Variants in BAZ2A observed in about 807,000 individuals in gnomAD.
BAZ2A encodes bromodomain adjacent to zinc finger domain protein 2A.
BAZ2A carries 34 observed loss-of-function variants against 199.9 expected under a neutral mutation model. The ratio of observed to expected loss-of-function variants is 0.17; its 90% CI spans 0.13 to 0.23. The LOEUF is 0.23. BAZ2A is among the 10% of genes least tolerant of loss of function. The pLI is 1.00. For missense variants in BAZ2A, 2,002 were observed against 2,391.1 expected (o/e 0.84, Z 3.39); for synonymous variants, 857 against 883.9 (o/e 0.97, Z 0.54).
At position 56,615,525 on chromosome 12, in the gene BAZ2A, G is replaced by T. The variant is rs1360843105; in HGVS notation, c.219C>A (p.His73Gln). 1.9e-6 allele frequency: 3 copies of T among 1,613,490 alleles called. No homozygotes were observed. The highest frequency in any genetic ancestry group is 2.5e-6 in the Non-Finnish European group (3 of 1,179,872). ...TTSGILNSAP[H>Q]SSSTSHLHHP... is the part of the protein sequence containing the mutation. The stretch of plus-strand genomic sequence containing the variant: ...GATGGAGGTGTGAGGTGCTGGAGGA[G>T]TGGGGAGCAGAGTTCAAAATCCCTG... Residue 73 changes from histidine (H) to glutamine (Q), a missense_variant, in exon 3 of 29, where the codon CAC becomes CAA. Physicochemically the swap from His to Gln is conservative, Grantham distance 24. This residue lies in a region of BAZ2A where 641 missense variants were observed against 694.5 expected (regional missense o/e 0.92). Transcript: ENST00000549884.
Position 56,609,907 on chromosome 12 carries a change from A to G in BAZ2A, c.1921T>C (p.Ser641Pro). 1 of 1,612,886 alleles carries G rather than the reference A, an allele frequency of 6.2e-7. No homozygotes were observed. The highest frequency in any genetic ancestry group is 8.5e-7 in the Non-Finnish European group (1 of 1,179,772). The change falls in exon 10 of 29, where the codon TCG becomes CCG. Residue 641 changes from serine (S) to proline (P), a missense_variant. Physicochemically the swap from Ser to Pro is moderately conservative, Grantham distance 74. Transcript: ENST00000549884. ...WVQLSAEEIP[S>P]RIQAITGKRG... ...TTGCCAGTAATTGCCTGAATCCTCGACGGGATCTCCTCTGCTGAGAGCTGC... is the reference window on the plus strand; with the variant it reads ...TTGCCAGTAATTGCCTGAATCCTCGGCGGGATCTCCTCTGCTGAGAGCTGC...
intron 1 of BAZ2A, 60 bp from the exon 2 acceptor site, chr12:56,617,592 T>A: frequency 6.6e-7 from 1 of 1,522,972 alleles, no homozygotes; most frequent in Non-Finnish European, 8.9e-7. Flanking sequence ...TTATGTCACC[T>A]GGAATCTTCC....
chr12:56,637,866 ACGGTTGT>A (rs1418552708), upstream of BAZ2A, among the ~76,000 whole-genome samples: 1 of 152,204 alleles, frequency 6.6e-6, no homozygotes, highest in African/African-American at 2.4e-5. Flanking sequence ...CACAAGAGGT[ACGGTTGT>A]CCATCAACAA....
intron 10 of BAZ2A, 95 bp downstream of exon 10, chr12:56,609,641 T>G: frequency 7.7e-7 from 1 of 1,291,800 alleles, no homozygotes; most frequent in Non-Finnish European, 1.1e-6. Context: ...ATAATGTTAG[T>G]TACACTCCTG....
upstream of BAZ2A, chr12:56,630,868 G>A: frequency 1.0e-6 from 1 of 985,518 alleles, no homozygotes; most frequent in Non-Finnish European, 1.2e-6. Context: ...AAAGATTCCT[G>A]TGCGTGGGGG....
intron 1 of BAZ2A, among the ~76,000 whole-genome samples, chr12:56,627,465 CAAA>C (rs34107563): frequency 8.9e-5 from 10 of 112,530 alleles, no homozygotes; most frequent in African/African-American, 9.1e-5. Context: ...GACTCCATCT[CAAA>C]AAAAAAAAAA....
upstream of BAZ2A, chr12:56,630,342 G>A (rs866936147): frequency 1.5e-5 from 14 of 953,706 alleles, no homozygotes; most frequent in African/African-American, 5.3e-5. Flanking sequence ...GGAGCCGGAG[G>A]GGGCGGAGAA....
At chr12:56,630,000 G>T in intron 1 of BAZ2A, 125 bp downstream of exon 1, 1 of 700,560 alleles carries the variant, frequency 1.4e-6, no homozygotes, top group Non-Finnish European at 1.8e-6. Context: ...CAGGAAATAA[G>T]CTCCCGTCGG....
rs1387144846 is a variant in BAZ2A at position 56,601,792 on chromosome 12, C to T, written c.3825G>A (p.Gln1275=). Residue 1275 remains glutamine, a synonymous_variant, in exon 20 of 29, where the codon CAG becomes CAA. Transcript: ENST00000549884. ...SAFLSWLSQT[Q]SHSSLLSSSV... Reference sequence around the variant, plus strand: ...AGCTGCTCAACAGGGAGCTATGGCTCTGAGTCTGGCTCAGCCAAGACAGGA... The same window carrying T: ...AGCTGCTCAACAGGGAGCTATGGCTTTGAGTCTGGCTCAGCCAAGACAGGA... 3.1e-6 allele frequency: 5 copies of T among 1,613,878 alleles called. No individual in the cohort carries two copies. The African/African-American group carries it at 5.3e-5, about 17-fold the overall frequency.
chr12:56,610,335 A>AGAAC, intron 8 of BAZ2A, 74 bp downstream of exon 8: 1 of 1,582,300 alleles, frequency 6.3e-7, no homozygotes, highest in Non-Finnish European at 8.7e-7. Flanking sequence ...ACTGAGCCCA[A>AGAAC]GAACGGAGTC....
Position 56,605,902 on chromosome 12 carries a change from T to C in BAZ2A, c.2421A>G (p.Glu807=), listed in dbSNP as rs1366008908. ...KTLATQRRLE[E]RQRQQMILEE... ...CCAAGATCATCTGCTGCCTCTGCCGTTCCTCCAAGCGCCTCTGTGTGGCCA... is the reference window on the plus strand; with the variant it reads ...CCAAGATCATCTGCTGCCTCTGCCGCTCCTCCAAGCGCCTCTGTGTGGCCA... The change falls in exon 13 of 29, where the codon GAA becomes GAG. Residue 807 remains glutamate, a synonymous_variant. Coordinates refer to ENST00000549884, the MANE Select transcript of BAZ2A (RefSeq NM_001300905.2). 3 of 1,590,846 alleles carry C rather than the reference T, an allele frequency of 1.9e-6. No homozygotes were observed. Among genetic ancestry groups the C allele is most frequent in the East Asian group, 4.6e-5 (2 of 43,938 alleles).
chr12:56,598,815 G>C, intron 28 of BAZ2A, 32 bp from the exon 29 acceptor site: 4 of 1,609,752 alleles, frequency 2.5e-6, no homozygotes, highest in Non-Finnish European at 2.5e-6. Context: ...CTGTGAGCTG[G>C]GTAGGAGTTG....
intron 26 of BAZ2A, 117 bp from the exon 27 acceptor site, chr12:56,599,475 T>TAC: frequency 7.6e-7 from 1 of 1,316,750 alleles, no homozygotes; most frequent in South Asian, 1.4e-5. Context: ...TAAGCCGGCA[T>TAC]TGGTTTATTC....
At position 56,605,139 on chromosome 12, in the gene BAZ2A, C is replaced by T. The variant is rs770571246; in HGVS notation, c.2682G>A (p.Val894=). The part of the protein sequence containing the change: ...LLCQGDSLGE[V]QDLLVRLLKA... ...TCAGCAGCCTGACCAGCAGGTCTTG[C>T]ACCTCACCCAAGCTGTCACCTTGAC... The change falls in exon 14 of 29, where the codon GTG becomes GTA. Residue 894 remains valine, a synonymous_variant. Transcript: ENST00000549884. 18 of 1,613,834 alleles carry T rather than the reference C, an allele frequency of 1.1e-5. No homozygotes were observed. Among genetic ancestry groups the T allele is most frequent in the Non-Finnish European group, 1.4e-5 (17 of 1,179,816 alleles).
At chr12:56,611,748 G>T (rs1950565224) in intron 6 of BAZ2A, 25 bp downstream of exon 6, 5 of 1,519,242 alleles carry the variant, frequency 3.3e-6, no homozygotes, top group South Asian at 1.3e-5. Context: ...ACCAGACAGG[G>T]ATAGAATAGA....
At chr12:56,634,338 C>T (rs1951393053), upstream of BAZ2A, among the ~76,000 whole-genome samples, 1 of 151,928 alleles carries the variant, frequency 6.6e-6, no homozygotes, top group Admixed American at 6.5e-5. Flanking sequence ...GGGGGAGGGG[C>T]CTTCCTAGGC....
intron 4 of BAZ2A, among the ~76,000 whole-genome samples, chr12:56,613,490 T>C (rs749885596): frequency 5.3e-5 from 8 of 152,086 alleles, no homozygotes; most frequent in Admixed American, 2.0e-4. Flanking sequence ...CTGGACAACA[T>C]AGCAAGACCT....
Position 56,601,371 on chromosome 12 carries a change from G to A in BAZ2A, c.4103C>T (p.Ser1368Phe), listed in dbSNP as rs1314968193. ...GGGCGTGGAAGAGAACTGCACTGGA[G>A]AACAAGGGTTGGCAGCACTAGGTCT... ...MNRPSAANPCSPVQFSSTPLA... is the reference protein window; with the variant it reads ...MNRPSAANPCFPVQFSSTPLA... The change falls in exon 21 of 29, where the codon TCT (serine) becomes TTT (phenylalanine). Residue 1368 changes from serine to phenylalanine, a missense_variant. Coordinates refer to ENST00000549884, the MANE Select transcript of BAZ2A (RefSeq NM_001300905.2). 6.8e-6 allele frequency: 11 copies of A among 1,613,908 alleles called. No individual in the cohort carries two copies. Among genetic ancestry groups the A allele is most frequent in the South Asian group, 1.1e-5 (1 of 91,074 alleles).
chr12:56,630,666 G>C (rs1448238817), upstream of BAZ2A: 8 of 679,142 alleles, frequency 1.2e-5, no homozygotes, highest in South Asian at 6.6e-5. Flanking sequence ...AATTTCGGGG[G>C]CAGTTATTTC....
Sources: gnomAD v4.1 joint callset for allele counts (sites outside exome capture counted in the v4.1 genomes callset) on GRCh38, gnomAD v4.1.1 for gene constraint, gnomAD v4.1.1 regional missense constraint, MANE v1.5 for transcripts, NCBI Gene and HGNC (gene_info 2026-07-23, HGNC 2026-07-21) for gene names.